Variants in PPM1L observed in about 807,000 individuals in gnomAD.
PPM1L encodes protein phosphatase, Mg2+/Mn2+ dependent 1L.
Under a neutral mutation model 31.4 loss-of-function variants are expected in PPM1L, and 13 were observed. The observed-to-expected ratio is 0.41, with a 90% CI of 0.27 to 0.66. The LOEUF is 0.66. PPM1L is among the 30% of genes least tolerant of loss of function. PPM1L has a pLI of 0.29. For missense variants in PPM1L, 326 were observed against 453.7 expected (o/e 0.72, Z 2.56); for synonymous variants, 184 against 175.4 (o/e 1.05, Z -0.39).
intron 2 of PPM1L, among the ~76,000 whole-genome samples, chr3:160,966,135 G>T (rs567257816): frequency 6.6e-6 from 1 of 152,158 alleles, no homozygotes; most frequent in Non-Finnish European, 1.5e-5. Context: ...CCGTGTCACA[G>T]AACTGTGGAC....
chr3:160,980,302 G>A (rs564175593), intron 2 of PPM1L, among the ~76,000 whole-genome samples: 9 of 151,930 alleles, frequency 5.9e-5, no homozygotes, highest in South Asian at 4.1e-4. Context: ...CTTTCAAGGC[G>A]GTGAAGTATA....
At chr3:160,847,461 C>T (rs952698727) in intron 1 of PPM1L, among the ~76,000 whole-genome samples, 6 of 152,030 alleles carry the variant, frequency 3.9e-5, no homozygotes, top group Non-Finnish European at 8.8e-5. Flanking sequence ...AGTAGAATAA[C>T]GAATTTGCCT....
intron 2 of PPM1L, among the ~76,000 whole-genome samples, chr3:161,038,060 C>T (rs1478319060): frequency 1.3e-5 from 2 of 151,432 alleles, no homozygotes; most frequent in Non-Finnish European, 2.9e-5. Context: ...GGTGAAACCC[C>T]GTCTCTACTA....
chr3:160,992,306 A>G (rs1469959200), intron 2 of PPM1L, among the ~76,000 whole-genome samples: 1 of 152,188 alleles, frequency 6.6e-6, no homozygotes, highest in African/African-American at 2.4e-5. Context: ...TTACAGCTTT[A>G]TTCTTTTAAG....
chr3:160,964,905 AC>A (rs1716086163), intron 2 of PPM1L, among the ~76,000 whole-genome samples: 1 of 152,072 alleles, frequency 6.6e-6, no homozygotes, highest in South Asian at 2.1e-4. Context: ...ATAAGAAAAA[AC>A]ATTACTATTT....
At chr3:160,979,408 T>C (rs966267993) in intron 2 of PPM1L, among the ~76,000 whole-genome samples, 2 of 151,988 alleles carry the variant, frequency 1.3e-5, no homozygotes, top group African/African-American at 4.8e-5. Context: ...CCAGTTCATC[T>C]AAGGGGCACA....
At chr3:161,066,835 T>G (rs1415646782) in intron 3 of PPM1L, among the ~76,000 whole-genome samples, 1 of 152,212 alleles carries the variant, frequency 6.6e-6, no homozygotes, top group Non-Finnish European at 1.5e-5. Flanking sequence ...TAATCAACAT[T>G]TTAGTTTTCA....
At chr3:160,891,787 T>A (rs1576694371) in intron 1 of PPM1L, among the ~76,000 whole-genome samples, 1 of 152,192 alleles carries the variant, frequency 6.6e-6, no homozygotes, top group East Asian at 1.9e-4. Flanking sequence ...GAAAATGTGG[T>A]ACATGTACAC....
At chr3:160,905,275 C>T (rs990733560) in intron 1 of PPM1L, among the ~76,000 whole-genome samples, 2 of 152,154 alleles carry the variant, frequency 1.3e-5, no homozygotes, top group African/African-American at 4.8e-5. Flanking sequence ...TACTTTGATA[C>T]CACTATCTAA....
At chr3:160,930,590 G>T (rs1714752937) in intron 1 of PPM1L, among the ~76,000 whole-genome samples, 1 of 152,182 alleles carries the variant, frequency 6.6e-6, no homozygotes, top group African/African-American at 2.4e-5. Flanking sequence ...GAGATATGGT[G>T]CAAGGAAGGC....
intron 1 of PPM1L, among the ~76,000 whole-genome samples, chr3:160,909,198 A>C (rs979541657): frequency 6.6e-6 from 1 of 152,174 alleles, no homozygotes; most frequent in African/African-American, 2.4e-5. Context: ...TGGGGCAGAG[A>C]GGCTTTTGGT....
In PPM1L at chr3:160,927,550, A is replaced by G. The variant is rs148816226; in HGVS notation, c.400-34186A>G. On this transcript the variant is annotated intron_variant, in intron 1 of 3. Transcript: ENST00000498165. The stretch of plus-strand genomic sequence containing the variant: ...ATTGGTAGTGAAACTGTTACATATT[A>G]TGTGATTTTTATACCATGAAAAATT... Among the ~76,000 whole-genome samples the G allele has an allele frequency of 1.4e-4, 21 of 152,106 alleles. No homozygotes were observed. In the South Asian group the frequency reaches 3.1e-3, roughly 23 times the overall value.
intron 2 of PPM1L, among the ~76,000 whole-genome samples, chr3:161,059,792 T>C (rs1236454772): frequency 6.6e-6 from 1 of 152,078 alleles, no homozygotes; most frequent in Non-Finnish European, 1.5e-5. Context: ...CTTGTGATAG[T>C]GAGTTCTTGT....
intron 1 of PPM1L, among the ~76,000 whole-genome samples, chr3:160,893,818 AT>A (rs1473984570): frequency 6.6e-6 from 1 of 152,224 alleles, no homozygotes; most frequent in East Asian, 1.9e-4. Flanking sequence ...GGTTCAACTT[AT>A]AATTTTTCTA....
chr3:160,914,239 C>A (rs1387910228), intron 1 of PPM1L, among the ~76,000 whole-genome samples: 1 of 152,004 alleles, frequency 6.6e-6, no homozygotes, highest in Non-Finnish European at 1.5e-5. Context: ...CTGTTCAAAT[C>A]TTTGATTTTT....
At chr3:160,838,180 C>T (rs944909448) in intron 1 of PPM1L, among the ~76,000 whole-genome samples, 1 of 152,192 alleles carries the variant, frequency 6.6e-6, no homozygotes, top group African/African-American at 2.4e-5. Flanking sequence ...GGCTGACTAA[C>T]TTCCTTCCAT....
intron 1 of PPM1L, among the ~76,000 whole-genome samples, chr3:160,840,117 G>A (rs1179988563): frequency 1.3e-5 from 2 of 152,160 alleles, no homozygotes; most frequent in Admixed American, 6.5e-5. Flanking sequence ...GATCCAGTAG[G>A]AACAAATGGT....
intron 1 of PPM1L, among the ~76,000 whole-genome samples, chr3:160,901,932 G>C (rs561577250): frequency 6.6e-6 from 1 of 151,810 alleles, no homozygotes; most frequent in African/African-American, 2.4e-5. Context: ...TGTTCATTTT[G>C]TCAAAAAAAT....
chr3:160,874,017 T>C (rs556343179), intron 1 of PPM1L, among the ~76,000 whole-genome samples: 2 of 152,318 alleles, frequency 1.3e-5, no homozygotes, highest in South Asian at 4.1e-4. Flanking sequence ...ATATCAGACA[T>C]TTCCTAGGTT....
Sources: gnomAD v4.1 joint callset for allele counts (sites outside exome capture counted in the v4.1 genomes callset) on GRCh38, gnomAD v4.1.1 for gene constraint, MANE v1.5 for transcripts, NCBI Gene and HGNC (gene_info 2026-07-23, HGNC 2026-07-21) for gene names.